Variants in NUP205 observed in about 807,000 individuals in gnomAD.
NUP205 encodes the protein nucleoporin 205.
Under a neutral mutation model 253.8 loss-of-function variants are expected in NUP205, and 76 were observed. That is an observed-to-expected ratio of 0.30 (90% CI 0.25 to 0.36). NUP205 has a LOEUF of 0.36. Among genes scored for constraint, NUP205 ranks in the 10% least tolerant of loss-of-function variants. NUP205 has a pLI of 1.00. For synonymous variants in NUP205, 832 were observed against 850.1 expected (o/e 0.98, Z 0.37); for missense variants, 2,162 against 2,425.5 (o/e 0.89, Z 2.28).
Position 135,638,542 on chromosome 7 carries a change from G to A in NUP205, c.5266-15G>A. 6.2e-7 allele frequency: 1 copy of A among 1,610,934 alleles called. No homozygotes were observed. On this transcript the variant is annotated splice_polypyrimidine_tract_variant and intron_variant, in intron 37 of 42. Transcript: ENST00000285968. ...TCAGGGTCTTAACATTTTTGTTACT[G>A]TTTTTTGATTATAGATTTGTGCCAA...
At chr7:135,644,256 A>G (rs6979439) in intron 39 of NUP205, among the ~76,000 whole-genome samples, 32,147 of 152,108 alleles carry the variant, frequency 0.21, 3,508 homozygotes, top group South Asian at 0.31. Context: ...GGTTTAGGTA[A>G]CCCCTGAAAT....
rs1324709415 is a variant in NUP205 at position 135,591,580 on chromosome 7, A to G, written c.1604A>G (p.Lys535Arg). Residue 535 changes from lysine (K) to arginine (R), a missense_variant, in exon 11 of 43, where the codon AAA (lysine) becomes AGA (arginine). Lys to Arg is a conservative substitution (Grantham distance 26). Coordinates refer to ENST00000285968, the MANE Select transcript of NUP205 (RefSeq NM_015135.3). ...GCCCACTACTGTTTCAGCCTGCTCA[A>G]AGTCAATGGTAGTAGTCATGGTAAG... is the stretch of plus-strand genomic sequence containing the variant. ...QCAHYCFSLL[K>R]VNGSSHVENI... is the part of the protein sequence containing the mutation. 1 of 1,612,946 alleles carries G rather than the reference A, an allele frequency of 6.2e-7. No individual in the cohort carries two copies. The highest frequency in any genetic ancestry group is 1.3e-5 in the African/African-American group (1 of 74,898).
intron 27 of NUP205, among the ~76,000 whole-genome samples, chr7:135,618,018 A>G (rs1209719937): frequency 6.6e-6 from 1 of 151,948 alleles, no homozygotes; most frequent in Non-Finnish European, 1.5e-5. Flanking sequence ...GGGAAGAACC[A>G]CATGAATGGA....
At chr7:135,579,827 G>A (rs1331116540) in intron 7 of NUP205, among the ~76,000 whole-genome samples, 1 of 152,104 alleles carries the variant, frequency 6.6e-6, no homozygotes, top group Non-Finnish European at 1.5e-5. Flanking sequence ...TGTATTTTTA[G>A]TAGAAACAGG....
intron 7 of NUP205, among the ~76,000 whole-genome samples, chr7:135,583,902 C>T (rs372257057): frequency 1.4e-4 from 21 of 145,202 alleles, no homozygotes; most frequent in Admixed American, 5.0e-4. Context: ...CGTGCAATGG[C>T]GTGATCGTGG....
chr7:135,565,723 C>G (rs895145191), intron 1 of NUP205, among the ~76,000 whole-genome samples: 2 of 152,186 alleles, frequency 1.3e-5, no homozygotes, highest in Non-Finnish European at 2.9e-5. Flanking sequence ...GCTTACTTAC[C>G]TCTTATCCTT....
At chr7:135,634,463 G>A (rs1165165542) in intron 35 of NUP205, among the ~76,000 whole-genome samples, 2 of 152,128 alleles carry the variant, frequency 1.3e-5, no homozygotes, top group Non-Finnish European at 2.9e-5. Flanking sequence ...ATAGCGTTAG[G>A]TGCAAAATCA....
rs532304113 is a variant in NUP205 at position 135,615,859 on chromosome 7, C to G, written c.3311-57C>G. ...ATCTGTTGAGTTACAGAATTTAAGT[C>G]TGTTTTGATACTGTGTTATTACTCT... On this transcript the variant is annotated intron_variant, in intron 23 of 42. Transcript: ENST00000285968. The G allele has an allele frequency of 4.4e-5, 51 of 1,160,212 alleles. 1 individual carries two copies. The highest frequency in any genetic ancestry group is 1.6e-4 in the East Asian group (6 of 36,642). The allele number at this position is 1,160,212 out of a possible 1,614,324, so 71.9% of individuals were successfully genotyped here.
At chr7:135,609,445 T>A (rs1794175855) in intron 22 of NUP205, among the ~76,000 whole-genome samples, 1 of 149,376 alleles carries the variant, frequency 6.7e-6, no homozygotes, top group South Asian at 2.1e-4. Context: ...GCCACTGCAC[T>A]CCAGCCTAGG....
At position 135,602,913 on chromosome 7, in the gene NUP205, T is replaced by C. The variant is rs1378620339; in HGVS notation, c.2621T>C (p.Leu874Pro). 6.2e-7 allele frequency: 1 copy of C among 1,613,988 alleles called. No homozygotes were observed. The change falls in exon 18 of 43, where the codon CTA becomes CCA. Residue 874 changes from leucine to proline, a missense_variant. Physicochemically the swap from Leu to Pro is moderately conservative, Grantham distance 98 (BLOSUM62 -3). Around this residue, in one of 5 missense-constraint regions of NUP205, gnomAD observed 892 missense variants for 957.1 expected, o/e 0.93. Coordinates refer to ENST00000285968, the MANE Select transcript of NUP205 (RefSeq NM_015135.3). ...MDLLRESQLALIVCPLEQLLQ... is the reference protein window; with the variant it reads ...MDLLRESQLAPIVCPLEQLLQ... ...CTTCTAAGAGAGAGTCAACTGGCTC[T>C]AATAGTCTGTCCTTTAGAACAGCTT...
chr7:135,578,253 A>G (rs1176242260), intron 6 of NUP205, among the ~76,000 whole-genome samples: 3 of 152,226 alleles, frequency 2.0e-5, no homozygotes, highest in Non-Finnish European at 4.4e-5. Context: ...GTATTAAAGC[A>G]TATATTATAC....
chr7:135,610,477 C>T (rs1422526739), intron 22 of NUP205, among the ~76,000 whole-genome samples: 1 of 152,212 alleles, frequency 6.6e-6, no homozygotes, highest in East Asian at 1.9e-4. Flanking sequence ...GCCTTGGCCT[C>T]CCAAAGTGCT....
intron 1 of NUP205, among the ~76,000 whole-genome samples, chr7:135,569,898 A>AGAAGGAAAG (rs1805894506): frequency 6.6e-6 from 1 of 152,004 alleles, no homozygotes; most frequent in Admixed American, 6.6e-5. Flanking sequence ...CTGGATGACA[A>AGAAGGAAAG]GAAGGAAAGG....
intron 21 of NUP205, 24 bp from the exon 22 acceptor site, chr7:135,607,223 G>T: frequency 6.3e-7 from 1 of 1,593,748 alleles, no homozygotes; most frequent in African/African-American, 1.4e-5. Context: ...AAGAAAAGTT[G>T]AATTTCTTTT....
chr7:135,627,912 G>C (rs1794627927), intron 33 of NUP205, 61 bp from the exon 34 acceptor site: 2 of 1,559,180 alleles, frequency 1.3e-6, no homozygotes, highest in Admixed American at 1.7e-5. Flanking sequence ...TCAGTGTTAA[G>C]GAATTGCCGA....
rs1030114936 is a variant in NUP205 at position 135,619,549 on chromosome 7, G to A, written c.4090G>A (p.Glu1364Lys). 3.7e-5 allele frequency: 60 copies of A among 1,614,006 alleles called. No individual in the cohort carries two copies. The highest frequency in any genetic ancestry group is 4.8e-5 in the Non-Finnish European group (57 of 1,180,034). Residue 1364 changes from glutamate (E) to lysine (K), a missense_variant, in exon 29 of 43, where the codon GAG (glutamate) becomes AAG (lysine). Transcript: ENST00000285968. Reference sequence around the variant, plus strand: ...GGAAACATCAGTCTTGGGACCAGCAGAGGCCCATTACGCTTTTATGCTTGA... The same window carrying A: ...GGAAACATCAGTCTTGGGACCAGCAAAGGCCCATTACGCTTTTATGCTTGA... ...QKETSVLGPA[E>K]AHYAFMLDSC...
Position 135,573,704 on chromosome 7 carries a change from A to T in NUP205, c.222A>T (p.Gly74=), listed in dbSNP as rs771752292. ...HEKVQKASTE[G]VAIQGQQGTR... is the part of the protein sequence containing the mutation. The stretch of plus-strand genomic sequence containing the variant: ...AGGTTCAGAAAGCCAGTACAGAGGG[A>T]GTCGCCATTCAGGGTCAACAGGGAA... The change falls in exon 3 of 43, where the codon GGA becomes GGT. Residue 74 remains glycine (G), a synonymous_variant. Coordinates refer to ENST00000285968, the MANE Select transcript of NUP205 (RefSeq NM_015135.3). The T allele has an allele frequency of 6.2e-7, 1 of 1,613,886 alleles. No homozygotes were observed. Among genetic ancestry groups the T allele is most frequent in the Non-Finnish European group, 8.5e-7 (1 of 1,179,924 alleles).
Position 135,637,379 on chromosome 7 carries a change from C to T in NUP205, c.5137-552C>T, listed in dbSNP as rs151145869. 1.1e-3 allele frequency among the ~76,000 whole-genome samples: 163 copies of T among 152,314 alleles called. 3 individuals are homozygous for T. The highest frequency in any genetic ancestry group is 3.9e-3 in the South Asian group (19 of 4,824). On this transcript the variant is annotated intron_variant, in intron 36 of 42. Coordinates refer to ENST00000285968, the MANE Select transcript of NUP205 (RefSeq NM_015135.3). ...AAGCTTGTCCTTTCTCTTTGAGAACCATGGGAAATACTGTATTCTCAGGTG... is the reference window on the plus strand; with the variant it reads ...AAGCTTGTCCTTTCTCTTTGAGAACTATGGGAAATACTGTATTCTCAGGTG...
chr7:135,568,011 A>G (rs1805833909), intron 1 of NUP205, among the ~76,000 whole-genome samples: 1 of 152,200 alleles, frequency 6.6e-6, no homozygotes, highest in African/African-American at 2.4e-5. Context: ...AGATTGCTTG[A>G]GGCCAGGAGT....
Sources: gnomAD v4.1 joint callset for allele counts (sites outside exome capture counted in the v4.1 genomes callset) on GRCh38, gnomAD v4.1.1 for gene constraint, gnomAD v4.1.1 regional missense constraint, MANE v1.5 for transcripts, NCBI Gene and HGNC (gene_info 2026-07-23, HGNC 2026-07-21) for gene names.